The following XKR9 variants were observed in gnomAD, a reference collection of about 807,000 sequenced individuals.
The protein encoded by XKR9 is XK-related protein 9.
A neutral mutation model predicts 32.0 loss-of-function variants in XKR9; 32 were observed. The observed-to-expected ratio is 1.00, with a 90% CI of 0.76 to 1.34. XKR9 has a LOEUF of 1.34. XKR9 is among the 40% of genes most tolerant of loss of function. XKR9 has a pLI of 0.00. For missense variants in XKR9, 546 were observed against 429.7 expected (o/e 1.27, Z -2.39); for synonymous variants, 168 against 143.4 (o/e 1.17, Z -1.22).
At chr8:70,712,103 A>C (rs2132191924) in intron 4 of XKR9, among the ~76,000 whole-genome samples, 2 of 152,276 alleles carry the variant, frequency 1.3e-5, no homozygotes, top group South Asian at 4.1e-4. Flanking sequence ...AATCACAGTA[A>C]AAGAGTAAAA....
At chr8:70,877,575 A>C in the XKR9 span, among the ~76,000 whole-genome samples, 139 of 152,338 alleles carry the variant, frequency 9.1e-4, 2 homozygotes, top group African/African-American at 3.2e-3. Flanking sequence ...ATTGAAGATC[A>C]AATTAATGAA....
chr8:71,003,685 T>C, the XKR9 span, among the ~76,000 whole-genome samples: 3 of 152,194 alleles, frequency 2.0e-5, no homozygotes, highest in Non-Finnish European at 4.4e-5. Context: ...GTTAAGTGAA[T>C]GAATACATAT....
At chr8:70,722,672 G>A (rs1486985699) in intron 4 of XKR9, among the ~76,000 whole-genome samples, 1 of 152,174 alleles carries the variant, frequency 6.6e-6, no homozygotes, top group Non-Finnish European at 1.5e-5. Flanking sequence ...TCTGTTGTTA[G>A]TCTGATGGGC....
intron 1 of XKR9, among the ~76,000 whole-genome samples, chr8:70,672,739 T>G (rs1273114325): frequency 6.6e-6 from 1 of 152,180 alleles, no homozygotes; most frequent in Non-Finnish European, 1.5e-5. Context: ...GTTATTGTCT[T>G]TTTAATAACA....
chr8:70,921,238 C>T, the XKR9 span, among the ~76,000 whole-genome samples: 2 of 152,184 alleles, frequency 1.3e-5, no homozygotes, highest in African/African-American at 4.8e-5. Context: ...GGCAAGGAGG[C>T]TGCTATACTG....
the XKR9 span, among the ~76,000 whole-genome samples, chr8:70,905,651 C>A: frequency 6.6e-6 from 1 of 152,190 alleles, no homozygotes; most frequent in Non-Finnish European, 1.5e-5. Context: ...CTCCCTCCAG[C>A]TTTGTTCTGC....
At chr8:71,001,957 T>G in the XKR9 span, among the ~76,000 whole-genome samples, 1 of 152,336 alleles carries the variant, frequency 6.6e-6, no homozygotes, top group East Asian at 1.9e-4. Flanking sequence ...AGAGAATACA[T>G]GAGATCAGCC....
chr8:71,056,014 A>G, the XKR9 span, among the ~76,000 whole-genome samples: 5 of 151,964 alleles, frequency 3.3e-5, no homozygotes, highest in African/African-American at 4.8e-5. Context: ...GACACTTGGA[A>G]CTCTCTTTAA....
chr8:71,064,213 AC>A, the XKR9 span, among the ~76,000 whole-genome samples: 2 of 152,154 alleles, frequency 1.3e-5, no homozygotes, highest in Non-Finnish European at 2.9e-5. Context: ...TTTTTGAAGT[AC>A]TTGAAAATCA....
At chr8:70,699,621 A>T (rs1286653314) in intron 3 of XKR9, among the ~76,000 whole-genome samples, 5 of 152,094 alleles carry the variant, frequency 3.3e-5, no homozygotes, top group East Asian at 3.9e-4. Context: ...TAACATTTTT[A>T]CCTTCATTTC....
intron 2 of XKR9, among the ~76,000 whole-genome samples, chr8:70,753,447 G>A (rs1459745103): frequency 2.0e-5 from 3 of 152,088 alleles, no homozygotes; most frequent in African/African-American, 7.2e-5. Flanking sequence ...CCAAAGCCTG[G>A]CAGAGACACA....
chr8:70,775,437 TTAGCTGTAGATATTTAGTAGA>T (rs1224612218), intron 2 of XKR9, among the ~76,000 whole-genome samples: 1 of 152,172 alleles, frequency 6.6e-6, no homozygotes, highest in Non-Finnish European at 1.5e-5. Flanking sequence ...AAGCATGATG[TTAGCTGTAGATATTTAGTAGA>T]TACTCTTTCT....
At chr8:71,030,760 G>A in the XKR9 span, among the ~76,000 whole-genome samples, 1 of 152,114 alleles carries the variant, frequency 6.6e-6, no homozygotes, top group Non-Finnish European at 1.5e-5. Context: ...ATTCCCAAGT[G>A]ACTTTTTAAA....
chr8:70,757,207 C>T (rs58293390), intron 2 of XKR9, among the ~76,000 whole-genome samples: 1 of 151,784 alleles, frequency 6.6e-6, no homozygotes. Flanking sequence ...TATGAATTTT[C>T]TCATTTCTCC....
At chr8:70,804,233 G>A in the XKR9 span, among the ~76,000 whole-genome samples, 2 of 152,208 alleles carry the variant, frequency 1.3e-5, no homozygotes, top group Non-Finnish European at 2.9e-5. Context: ...AAGTGGTGGG[G>A]GTAGGCGGGG....
chr8:70,754,591 C>G (rs1454260591), intron 2 of XKR9, among the ~76,000 whole-genome samples: 1 of 150,854 alleles, frequency 6.6e-6, no homozygotes, highest in Non-Finnish European at 1.5e-5. Flanking sequence ...CAGAACAGAG[C>G]CCTCAGAAAT....
Position 70,734,439 on chromosome 8 carries a change from A to G in XKR9, c.*15A>G. 1 of 1,500,204 alleles carries G rather than the reference A, an allele frequency of 6.7e-7. No individual in the cohort carries two copies. Among genetic ancestry groups the G allele is most frequent in the Non-Finnish European group, 8.8e-7 (1 of 1,136,488 alleles). 92.9% of individuals were successfully genotyped at this position (1,500,204 alleles called of 1,614,324 possible). On this transcript the variant is annotated 3_prime_UTR_variant, in exon 5 of 5. Coordinates refer to ENST00000408926, the MANE Select transcript of XKR9 (RefSeq NM_001011720.2). ...TAATGGAATAAGCTATTCATTTATG[A>G]TATATATTTTCTTATATTTTGTTTC...
At chr8:70,813,151 C>A in the XKR9 span, among the ~76,000 whole-genome samples, 1 of 152,024 alleles carries the variant, frequency 6.6e-6, no homozygotes, top group Non-Finnish European at 1.5e-5. Context: ...TATCTACAAC[C>A]ATCTGATCTT....
the XKR9 span, among the ~76,000 whole-genome samples, chr8:70,933,021 G>A: frequency 6.6e-6 from 1 of 152,054 alleles, no homozygotes; most frequent in Admixed American, 6.6e-5. Context: ...CCCTCAAATG[G>A]GACAGGTTTC....
Sources: allele counts gnomAD v4.1 joint callset (sites outside exome capture counted in the v4.1 genomes callset), GRCh38; gene constraint gnomAD v4.1.1; transcripts MANE v1.5; gene names NCBI Gene and HGNC (gene_info 2026-07-23, HGNC 2026-07-21).